Variants in NF1 observed in about 807,000 individuals in gnomAD.
NF1 encodes the protein neurofibromin.
NF1 carries 122 observed loss-of-function variants against 325.7 expected under a neutral mutation model. The observed-to-expected ratio is 0.37, with a 90% CI of 0.32 to 0.44. NF1 has a LOEUF of 0.44. Ranked by LOEUF, NF1 falls within the 20% of genes least tolerant of loss-of-function variation. The pLI is 1.00. For missense variants in NF1, 2,140 were observed against 3,415.4 expected, an observed-to-expected ratio of 0.63 and a Z score of 9.31; for synonymous variants, 1,091 against 1,186.0, an observed-to-expected ratio of 0.92 and a Z score of 1.65.
chr17:31,106,752 T>C (rs138940494), intron 1 of NF1, among the ~76,000 whole-genome samples: 1 of 152,226 alleles, frequency 6.6e-6, no homozygotes, highest in South Asian at 2.1e-4. Context: ...TATCAAAACT[T>C]CTTCAGCTGT....
At chr17:31,265,105 A>G (rs2067762174) in intron 35 of NF1, 124 bp from the exon 36 acceptor site, 1 of 706,198 alleles carries the variant, frequency 1.4e-6, no homozygotes, top group Admixed American at 2.8e-5. Flanking sequence ...TACCCTTTAG[A>G]ATGCCTGTTG....
At chr17:31,304,346 G>A (rs149304069) in intron 36 of NF1, 1 of 1,613,996 alleles carries the variant, frequency 6.2e-7, no homozygotes, top group African/African-American at 1.3e-5. Flanking sequence ...TCCTGACACT[G>A]GATCTCAAGG....
intron 1 of NF1, among the ~76,000 whole-genome samples, chr17:31,110,078 A>T (rs73271668): frequency 0.015 from 2,212 of 152,190 alleles, 61 homozygotes; most frequent in African/African-American, 0.051. Flanking sequence ...ACATCGTGTG[A>T]TTTCTAGAGG....
At chr17:31,255,191 G>A (rs1041066426) in intron 31 of NF1, among the ~76,000 whole-genome samples, 5 of 152,162 alleles carry the variant, frequency 3.3e-5, no homozygotes, top group South Asian at 2.1e-4. Flanking sequence ...TGCTCTTGCT[G>A]AAGTGTAGTT....
chr17:31,138,504 TCCACC>T (rs1280528411), intron 1 of NF1: 1 of 152,206 alleles, frequency 6.6e-6, no homozygotes, highest in Non-Finnish European at 1.5e-5. Context: ...CCTCAGGTGA[TCCACC>T]CGCCTGGGCT....
At chr17:31,189,165 G>A (rs2066294115) in intron 8 of NF1, among the ~76,000 whole-genome samples, 2 of 152,068 alleles carry the variant, frequency 1.3e-5, no homozygotes, top group African/African-American at 4.8e-5. Flanking sequence ...TGTATCTTCA[G>A]GGAATTGCTG....
intron 38 of NF1, among the ~76,000 whole-genome samples, chr17:31,329,279 A>C (rs570807025): frequency 6.6e-6 from 1 of 152,368 alleles, no homozygotes; most frequent in South Asian, 2.1e-4. Flanking sequence ...TAATTCAAAG[A>C]TCTTCATTGA....
chr17:31,208,504 G>T (rs2066663797), intron 12 of NF1, among the ~76,000 whole-genome samples: 1 of 152,008 alleles, frequency 6.6e-6, no homozygotes, highest in South Asian at 2.1e-4. Context: ...AGGTGCTAAT[G>T]CCAGGGAAGC....
At chr17:31,131,150 T>G (rs73271688) in intron 1 of NF1, among the ~76,000 whole-genome samples, 1 of 152,180 alleles carries the variant, frequency 6.6e-6, no homozygotes, top group African/African-American at 2.4e-5. Context: ...AAGTCGAGCC[T>G]TGGGGGATGG....
intron 5 of NF1, among the ~76,000 whole-genome samples, chr17:31,176,433 A>G (rs2066024435): frequency 6.6e-6 from 1 of 152,252 alleles, no homozygotes; most frequent in Admixed American, 6.5e-5. Flanking sequence ...GTAGATTGCA[A>G]AAATTTTCTC....
chr17:31,258,312 C>T (rs2067619140), intron 31 of NF1, 32 bp from the exon 32 acceptor site: 1 of 1,612,904 alleles, frequency 6.2e-7, no homozygotes, highest in South Asian at 1.1e-5. Context: ...TAATTCAAAC[C>T]TTATACTCAA....
intron 1 of NF1, among the ~76,000 whole-genome samples, chr17:31,096,136 C>G (rs371722211): frequency 6.6e-6 from 1 of 151,236 alleles, no homozygotes; most frequent in Non-Finnish European, 1.5e-5. Flanking sequence ...TCTCTTCCCC[C>G]CCCCCTTTTT....
intron 1 of NF1, among the ~76,000 whole-genome samples, chr17:31,113,961 A>C (rs1221333831): frequency 6.6e-6 from 1 of 152,234 alleles, no homozygotes; most frequent in Non-Finnish European, 1.5e-5. Context: ...GGACATTCAC[A>C]CTATCTATTT....
chr17:31,265,395 A>G (rs778476672), intron 36 of NF1, 56 bp downstream of exon 36: 28 of 1,299,648 alleles, frequency 2.2e-5, no homozygotes, highest in Non-Finnish European at 2.6e-5. Context: ...TATAGCAAAT[A>G]TAGAGAGATG....
At position 31,305,625 on chromosome 17, in the gene NF1, C is replaced by T. The variant is rs754101275; in HGVS notation, c.4836-20195C>T. The T allele has an allele frequency of 5.0e-6, 8 of 1,604,042 alleles. No homozygotes were observed. In the South Asian group the frequency reaches 5.6e-5, roughly 11 times the overall value. On this transcript the variant is annotated intron_variant, in intron 36 of 57. Transcript: ENST00000358273. Reference sequence around the variant, plus strand: ...TGGGATCCATTTCAGAATATTTCCTCGTTATCTATAGCGGGTTTATAATGA... The same window carrying T: ...TGGGATCCATTTCAGAATATTTCCTTGTTATCTATAGCGGGTTTATAATGA...
intron 38 of NF1, among the ~76,000 whole-genome samples, chr17:31,328,199 GC>G (rs2069396314): frequency 6.6e-6 from 1 of 151,984 alleles, no homozygotes; most frequent in Non-Finnish European, 1.5e-5. Context: ...TCAGATTATT[GC>G]TTTACAAAAG....
At chr17:31,334,705 T>G (rs997064373) in intron 39 of NF1, 133 bp from the exon 40 acceptor site, 1 of 695,178 alleles carries the variant, frequency 1.4e-6, no homozygotes. Context: ...ATTTGCCAAG[T>G]GTCTTTTCTC....
At chr17:31,263,242 A>G (rs1158364442) in intron 35 of NF1, among the ~76,000 whole-genome samples, 3 of 151,966 alleles carry the variant, frequency 2.0e-5, no homozygotes, top group South Asian at 4.2e-4. Context: ...GGAGTTTGAG[A>G]CCACCCTGGG....
intron 36 of NF1, among the ~76,000 whole-genome samples, chr17:31,317,403 A>ACACACACCCCC (rs571315603): frequency 4.8e-5 from 7 of 147,180 alleles, no homozygotes; most frequent in African/African-American, 1.8e-4. Context: ...ACACACACAC[A>ACACACACCCCC]CCCCTAATAA....
Sources: gnomAD v4.1 joint callset for allele counts (sites outside exome capture counted in the v4.1 genomes callset) on GRCh38, gnomAD v4.1.1 for gene constraint, MANE v1.5 for transcripts, NCBI Gene and HGNC (gene_info 2026-07-23, HGNC 2026-07-21) for gene names.